The following REC114 variants were observed in gnomAD, a reference collection of about 807,000 sequenced individuals.
REC114 encodes meiotic recombination protein REC114.
REC114 carries 27 observed loss-of-function variants against 31.3 expected under a neutral mutation model. The ratio of observed to expected loss-of-function variants is 0.86; its 90% CI spans 0.64 to 1.19. REC114 has a LOEUF of 1.19. Among genes scored for constraint, REC114 ranks in the 50% most tolerant of loss-of-function variants. The pLI, the probability that REC114 is intolerant of heterozygous loss-of-function variation, is 0.00. For synonymous variants in REC114, 134 were observed against 127.7 expected (o/e 1.05, Z -0.33); for missense variants, 344 against 326.9 (o/e 1.05, Z -0.40).
At chr15:73,490,878 T>C (rs1041016808) in intron 2 of REC114, among the ~76,000 whole-genome samples, 1 of 152,196 alleles carries the variant, frequency 6.6e-6, no homozygotes, top group Non-Finnish European at 1.5e-5. Context: ...TTCTGTCTGC[T>C]TTCTGGCACT....
At chr15:73,520,343 G>T (rs1416396192) in intron 2 of REC114, among the ~76,000 whole-genome samples, 1 of 152,030 alleles carries the variant, frequency 6.6e-6, no homozygotes, top group Non-Finnish European at 1.5e-5. Context: ...GCAATTCTCT[G>T]CCTCAGCCTC....
intron 1 of REC114, among the ~76,000 whole-genome samples, chr15:73,447,887 G>C (rs1019802165): frequency 1.3e-5 from 2 of 152,066 alleles, no homozygotes; most frequent in African/African-American, 4.8e-5. Flanking sequence ...GGAAGTACAA[G>C]GGTTGGGGAA....
At chr15:73,510,541 C>T (rs1893748612) in intron 2 of REC114, among the ~76,000 whole-genome samples, 1 of 144,344 alleles carries the variant, frequency 6.9e-6, no homozygotes, top group Non-Finnish European at 1.5e-5. Context: ...GGGAATGCTT[C>T]CAGTTTTTGC....
intron 2 of REC114, among the ~76,000 whole-genome samples, chr15:73,507,213 T>C (rs938410282): frequency 5.3e-5 from 8 of 152,218 alleles, no homozygotes; most frequent in Non-Finnish European, 8.8e-5. Context: ...GGAAACTATG[T>C]ATATATAACT....
chr15:73,513,763 CA>C (rs1260272510), intron 2 of REC114, among the ~76,000 whole-genome samples: 3 of 150,188 alleles, frequency 2.0e-5, no homozygotes, highest in Admixed American at 6.6e-5. Context: ...GCTCGGGGGT[CA>C]GGGGTCAGGG....
rs557071965 is a variant in REC114, at chr15:73,490,834, C to T, written c.249+16913C>T. ...CGCCCCCACCAAAAAAAAATTCCCT[C>T]TTACTTGCCCACCTTCATCCCCAGA... On this transcript the variant is annotated intron_variant, in intron 2 of 5. Transcript: ENST00000331090. Among the ~76,000 whole-genome samples the T allele has an allele frequency of 5.9e-5, 9 of 152,212 alleles. No individual in the cohort carries two copies. In the East Asian group the frequency reaches 1.5e-3, roughly 26 times the overall value.
intron 2 of REC114, among the ~76,000 whole-genome samples, chr15:73,520,147 T>A (rs922541913): frequency 6.6e-6 from 1 of 152,234 alleles, no homozygotes; most frequent in African/African-American, 2.4e-5. Context: ...TTTAAAAAAA[T>A]TCATGACACA....
At chr15:73,542,962 T>TA (rs755768245) in intron 3 of REC114, among the ~76,000 whole-genome samples, 2,110 of 122,006 alleles carry the variant, frequency 0.017, 25 homozygotes, top group East Asian at 0.064. Flanking sequence ...TTTTTTTTTT[T>TA]ATATAAATTT....
At chr15:73,443,439 C>T (rs1455082274) in intron 1 of REC114, 95 bp downstream of exon 1, 2 of 1,368,732 alleles carry the variant, frequency 1.5e-6, no homozygotes, top group Non-Finnish European at 1.9e-6. Context: ...GAAAGCAATG[C>T]CGAGGGGACA....
chr15:73,506,516 G>A (rs944697343), intron 2 of REC114, among the ~76,000 whole-genome samples: 3 of 152,154 alleles, frequency 2.0e-5, no homozygotes, highest in African/African-American at 7.2e-5. Flanking sequence ...GCAAGTAGAA[G>A]TGCTATATAT....
intron 2 of REC114, among the ~76,000 whole-genome samples, chr15:73,531,273 GTAGT>G (rs978153733): frequency 6.6e-6 from 1 of 152,076 alleles, no homozygotes; most frequent in Non-Finnish European, 1.5e-5. Context: ...AAGGGCACAG[GTAGT>G]TTTTCCCACC....
chr15:73,517,306 G>A (rs902089020), intron 2 of REC114, among the ~76,000 whole-genome samples: 2 of 152,078 alleles, frequency 1.3e-5, no homozygotes, highest in Non-Finnish European at 2.9e-5. Flanking sequence ...CATAAAAAAG[G>A]TATCTCTCAA....
chr15:73,507,141 TAAG>T (rs890834045), intron 2 of REC114, among the ~76,000 whole-genome samples: 151 of 152,286 alleles, frequency 9.9e-4, no homozygotes, highest in African/African-American at 3.6e-3. Context: ...CTACAATTAA[TAAG>T]ATAAATTATA....
intron 2 of REC114, among the ~76,000 whole-genome samples, chr15:73,485,702 C>T (rs897034263): frequency 7.2e-5 from 11 of 152,128 alleles, no homozygotes; most frequent in South Asian, 2.1e-4. Context: ...CAGAAGCAGA[C>T]GCTGGTGCTG....
intron 2 of REC114, among the ~76,000 whole-genome samples, chr15:73,534,535 T>C (rs1894129386): frequency 6.6e-6 from 1 of 152,058 alleles, no homozygotes; most frequent in Non-Finnish European, 1.5e-5. Context: ...GTGGCAATAA[T>C]CAATAGCTTA....
At chr15:73,516,060 C>G (rs1371897401) in intron 2 of REC114, among the ~76,000 whole-genome samples, 1 of 151,396 alleles carries the variant, frequency 6.6e-6, no homozygotes, top group Non-Finnish European at 1.5e-5. Flanking sequence ...AATCTCGGCT[C>G]ACTGCAACCT....
intron 1 of REC114, among the ~76,000 whole-genome samples, chr15:73,456,090 C>T (rs369803020): frequency 1.3e-5 from 2 of 152,220 alleles, no homozygotes; most frequent in East Asian, 1.9e-4. Context: ...AGCCATCTGT[C>T]GTCATTTAAG....
chr15:73,459,926 C>T (rs1892966852), intron 1 of REC114, among the ~76,000 whole-genome samples: 1 of 152,114 alleles, frequency 6.6e-6, no homozygotes, highest in African/African-American at 2.4e-5. Context: ...ATTTCTGCAG[C>T]ATACTGTAAG....
chr15:73,547,043 CA>C (rs1894318788), intron 3 of REC114, among the ~76,000 whole-genome samples: 1 of 151,900 alleles, frequency 6.6e-6, no homozygotes, highest in Admixed American at 6.6e-5. Context: ...TGTAGACAAC[CA>C]AAGCAAAAAT....
Sources: allele counts gnomAD v4.1 joint callset (sites outside exome capture counted in the v4.1 genomes callset), GRCh38; gene constraint gnomAD v4.1.1; transcripts MANE v1.5; gene names NCBI Gene and HGNC (gene_info 2026-07-23, HGNC 2026-07-21).